The following GANC variants were observed in gnomAD, a reference collection of about 807,000 sequenced individuals.
The protein encoded by GANC is neutral alpha-glucosidase C.
Under a neutral mutation model 124.2 loss-of-function variants are expected in GANC, and 117 were observed. The observed-to-expected ratio is 0.94, with a 90% CI of 0.81 to 1.10. The LOEUF (loss-of-function observed/expected upper bound fraction) is 1.10, where lower values mean the gene tolerates loss of function less well. Ranked by LOEUF, GANC falls within the 50% of genes least tolerant of loss-of-function variation. GANC has a pLI of 0.00. For synonymous variants in GANC, 377 were observed against 376.8 expected (o/e 1.00, Z -0.01); for missense variants, 1,140 against 1,095.0 (o/e 1.04, Z -0.58).
At chr15:42,297,506 G>A (rs2051902605) in intron 5 of GANC, 105 bp from the exon 6 acceptor site, 1 of 725,078 alleles carries the variant, frequency 1.4e-6, no homozygotes, top group South Asian at 1.7e-5. Flanking sequence ...TACATTAAAG[G>A]ATATAACTGA....
intron 15 of GANC, among the ~76,000 whole-genome samples, chr15:42,331,065 T>C (rs896083845): frequency 1.3e-5 from 2 of 152,146 alleles, no homozygotes; most frequent in African/African-American, 2.4e-5. Context: ...TCCCAAAGTG[T>C]TGTGATTACA....
In GANC at chr15:42,281,211, G is replaced by A. The variant is rs2051730340; in HGVS notation, c.201+2621G>A. ...AAATGTATGCAAATACATATTTCGG[G>A]AGATCACCCTGAAATTCTGCACTGA... On this transcript the variant is annotated intron_variant, in intron 3 of 23. Coordinates refer to ENST00000318010, the MANE Select transcript of GANC (RefSeq NM_198141.3). 3 of 658,906 alleles carry A rather than the reference G, an allele frequency of 4.6e-6. No individual in the cohort carries two copies. The South Asian group carries it at 5.0e-5, about 11-fold the overall frequency. The allele number at this position is 658,906 out of a possible 1,614,324, so 40.8% of individuals were successfully genotyped here. A position where few individuals can be genotyped will look rare whatever the true frequency, so the allele number is the denominator to read the frequency against.
intron 6 of GANC, among the ~76,000 whole-genome samples, chr15:42,303,241 T>C (rs2051963404): frequency 6.6e-6 from 1 of 152,182 alleles, no homozygotes; most frequent in African/African-American, 2.4e-5. Context: ...CAGAATTTCA[T>C]ATCCAGCCAA....
intron 6 of GANC, among the ~76,000 whole-genome samples, chr15:42,297,941 A>G (rs2141032216): frequency 6.6e-6 from 1 of 152,208 alleles, no homozygotes; most frequent in East Asian, 1.9e-4. Context: ...GAATAAAACA[A>G]ATCCCAAACA....
chr15:42,326,411 G>T lies in GANC; in HGVS notation c.1407G>T (p.Gly469=), dbSNP rs765418019. 6.2e-7 allele frequency: 1 copy of T among 1,613,668 alleles called. No individual in the cohort carries two copies. The highest frequency in any genetic ancestry group is 8.5e-7 in the Non-Finnish European group (1 of 1,179,854). The part of the protein sequence containing the change: ...VKNQEGEDFE[G]VCWPGLSSYL... ...ATCAGGAAGGGGAAGACTTTGAAGGGGTGTGTTGGCCAGGTATGAAATCAC... is the reference window on the plus strand; with the variant it reads ...ATCAGGAAGGGGAAGACTTTGAAGGTGTGTGTTGGCCAGGTATGAAATCAC... Residue 469 remains glycine (G), a synonymous_variant, in exon 12 of 24, where the codon GGG becomes GGT. Coordinates refer to ENST00000318010, the MANE Select transcript of GANC (RefSeq NM_198141.3).
intron 10 of GANC, among the ~76,000 whole-genome samples, chr15:42,317,936 G>A (rs79719605): frequency 0.025 from 3,817 of 152,222 alleles, 157 homozygotes; most frequent in African/African-American, 0.088. Flanking sequence ...TCCTGCTGAG[G>A]GTTTAGCTCA....
At position 42,292,832 on chromosome 15, in the gene GANC, T is replaced by C. The variant is rs777403003; in HGVS notation, c.427T>C (p.Leu143=). Reference sequence around the variant, plus strand: ...CACAGCAAACCCATTCAAGGTAGACTTGGTGTCTGAAGAAGAGGTTGTGAT... The same window carrying C: ...CACAGCAAACCCATTCAAGGTAGACCTGGTGTCTGAAGAAGAGGTTGTGAT... ...HITANPFKVD[L]VSEEEVVISI... is the part of the protein sequence containing the mutation. Residue 143 remains leucine (L), a synonymous_variant, in exon 5 of 24, where the codon TTG becomes CTG. Coordinates refer to ENST00000318010, the MANE Select transcript of GANC (RefSeq NM_198141.3). 16 of 1,614,030 alleles carry C rather than the reference T, an allele frequency of 9.9e-6. No homozygotes were observed. Among genetic ancestry groups the C allele is most frequent in the African/African-American group, 1.3e-5 (1 of 74,930 alleles).
chr15:42,353,259 A>G lies in GANC; in HGVS notation c.*1120A>G. The G allele has an allele frequency of 1.0e-6, 1 of 986,112 alleles. No individual in the cohort carries two copies. Among genetic ancestry groups the G allele is most frequent in the Non-Finnish European group, 1.2e-6 (1 of 830,114 alleles). The allele number at this position is 986,112 out of a possible 1,614,324, so 61.1% of individuals were successfully genotyped here. A position where few individuals can be genotyped will look rare whatever the true frequency, so the allele number is the denominator to read the frequency against. On this transcript the variant is annotated 3_prime_UTR_variant, in exon 24 of 24. Coordinates refer to ENST00000318010, the MANE Select transcript of GANC (RefSeq NM_198141.3). ...CACTCCTCAGCACACACCTCTTCTTATCAGGCTTCCTCCACTTAGCAACTT... is the reference window on the plus strand; with the variant it reads ...CACTCCTCAGCACACACCTCTTCTTGTCAGGCTTCCTCCACTTAGCAACTT...
chr15:42,281,077 A>C (rs531219252), intron 3 of GANC: 10 of 702,488 alleles, frequency 1.4e-5, no homozygotes, highest in South Asian at 1.2e-4. Context: ...GACATCAGCA[A>C]CGTAGCTCCC....
chr15:42,338,975 T>C (rs1362373107), intron 16 of GANC, among the ~76,000 whole-genome samples: 1 of 152,202 alleles, frequency 6.6e-6, no homozygotes, highest in Non-Finnish European at 1.5e-5. Context: ...GATTTTCCAA[T>C]GGACTATCTT....
chr15:42,292,350 A>G (rs184854008), intron 4 of GANC, among the ~76,000 whole-genome samples: 4 of 146,916 alleles, frequency 2.7e-5, no homozygotes, highest in Admixed American at 7.1e-5. Context: ...TGATGATGAC[A>G]ACGATGATAG....
rs2051626317 is a variant in GANC, at chr15:42,274,223, C to CTT, written c.-259_-258insTT. The CTT allele has an allele frequency of 2.1e-6, 1 of 465,988 alleles. No individual in the cohort carries two copies. The highest frequency in any genetic ancestry group is 2.0e-5 in the African/African-American group (1 of 49,888). 28.9% of individuals were successfully genotyped at this position (465,988 alleles called of 1,614,324 possible). On this transcript the variant is annotated 5_prime_UTR_variant, in exon 1 of 24. Coordinates refer to ENST00000318010, the MANE Select transcript of GANC (RefSeq NM_198141.3). ...CCAGTTTCGGTTCCTAACAAAAGCA[C>CTT]GTTCCTCATCAGCCACCCATAATCA...
Position 42,352,639 on chromosome 15 carries a change from G to A in GANC, c.*500G>A. ...TGGGCAGAGCAGCCCTCTTCTGTGT[G>A]CACTGCATACGCTGCAGCCGTGGGA... On this transcript the variant is annotated 3_prime_UTR_variant, in exon 24 of 24. Transcript: ENST00000318010. The A allele has an allele frequency of 1.0e-6, 1 of 989,972 alleles. No individual in the cohort carries two copies. The highest frequency in any genetic ancestry group is 1.2e-6 in the Non-Finnish European group (1 of 832,226). The allele number at this position is 989,972 out of a possible 1,614,324, so 61.3% of individuals were successfully genotyped here. A position where few individuals can be genotyped will look rare whatever the true frequency, so the allele number is the denominator to read the frequency against.
intron 2 of GANC, among the ~76,000 whole-genome samples, chr15:42,277,342 C>A (rs2051681563): frequency 2.6e-5 from 4 of 151,942 alleles, no homozygotes; most frequent in Admixed American, 2.6e-4. Flanking sequence ...ACCAGCCTGA[C>A]CAACATGCAG....
Position 42,310,354 on chromosome 15 carries a change from A to G in GANC, c.794A>G (p.Tyr265Cys), listed in dbSNP as rs182875754. ...CAAATATATGATAAAATGGGCATTT[A>G]TGGTTCAGTACCTTATCTCCTGGCC... ...GYQIYDKMGI[Y>C]GSVPYLLAHK... The change falls in exon 9 of 24, where the codon TAT (tyrosine) becomes TGT (cysteine). Residue 265 changes from tyrosine (Y) to cysteine (C), a missense_variant. Physicochemically the swap from Tyr to Cys is radical, Grantham distance 194. Transcript: ENST00000318010. 1 of 1,613,486 alleles carries G rather than the reference A, an allele frequency of 6.2e-7. No individual in the cohort carries two copies. Among genetic ancestry groups the G allele is most frequent in the African/African-American group, 1.3e-5 (1 of 75,026 alleles).
Position 42,351,420 on chromosome 15 carries a change from A to C in GANC, c.2623A>C (p.Thr875Pro), listed in dbSNP as rs147480420. The part of the protein sequence containing the change: ...GFRKEPSSVT[T>P]HSSDGKDQPV... ...CAGGAAGGAGCCATCTTCTGTGACTACCCACTCATCTGGTGAGAAAGCAGT... is the reference window on the plus strand; with the variant it reads ...CAGGAAGGAGCCATCTTCTGTGACTCCCCACTCATCTGGTGAGAAAGCAGT... The change falls in exon 23 of 24, where the codon ACC becomes CCC. Residue 875 changes from threonine (T) to proline (P), a missense_variant. Physicochemically the swap from Thr to Pro is conservative, Grantham distance 38. Coordinates refer to ENST00000318010, the MANE Select transcript of GANC (RefSeq NM_198141.3). 5.6e-6 allele frequency: 9 copies of C among 1,611,622 alleles called. No individual in the cohort carries two copies. The highest frequency in any genetic ancestry group is 6.8e-6 in the Non-Finnish European group (8 of 1,177,810).
intron 2 of GANC, 36 bp from the exon 3 acceptor site, chr15:42,278,446 A>G (rs370255324): frequency 2.9e-5 from 40 of 1,362,686 alleles, no homozygotes; most frequent in Non-Finnish European, 3.3e-5. Flanking sequence ...ACAATCACAA[A>G]TAATTATCAA....
At chr15:42,343,320 C>T in intron 19 of GANC, 166 bp downstream of exon 19, 2 of 592,384 alleles carry the variant, frequency 3.4e-6, no homozygotes, top group Non-Finnish European at 5.9e-6. Flanking sequence ...GGTCAAGAAA[C>T]TTAATGGAGG....
intron 5 of GANC, among the ~76,000 whole-genome samples, chr15:42,295,947 G>C (rs1015960463): frequency 6.6e-6 from 1 of 152,052 alleles, no homozygotes; most frequent in Non-Finnish European, 1.5e-5. Flanking sequence ...TTTGAGACCA[G>C]CCTGGCCAAC....
Sources: allele counts gnomAD v4.1 joint callset (sites outside exome capture counted in the v4.1 genomes callset), GRCh38; gene constraint gnomAD v4.1.1; transcripts MANE v1.5; gene names NCBI Gene and HGNC (gene_info 2026-07-23, HGNC 2026-07-21).